The following SYNPR variants were observed in gnomAD, a reference collection of about 807,000 sequenced individuals.
The protein encoded by SYNPR is synaptoporin.
SYNPR carries 23 observed loss-of-function variants against 32.9 expected under a neutral mutation model. The observed-to-expected ratio is 0.70, with a 90% CI of 0.50 to 0.99. SYNPR has a LOEUF of 0.99. SYNPR is among the 50% of genes least tolerant of loss of function. SYNPR has a pLI of 0.00. For synonymous variants in SYNPR, 146 were observed against 135.9 expected (o/e 1.07, Z -0.52); for missense variants, 318 against 349.3 (o/e 0.91, Z 0.71).
chr3:63,250,305 C>T (rs2086321479), intron 1 of SYNPR, among the ~76,000 whole-genome samples: 1 of 151,872 alleles, frequency 6.6e-6, no homozygotes, highest in Admixed American at 6.6e-5. Flanking sequence ...ACAATTATTA[C>T]ATGTCAACTA....
intron 4 of SYNPR, among the ~76,000 whole-genome samples, chr3:63,603,916 G>T (rs186325696): frequency 1.0e-3 from 159 of 152,186 alleles, no homozygotes; most frequent in Non-Finnish European, 1.2e-4. Context: ...AAATAGTTTT[G>T]GTAGGAATGG....
intron 2 of SYNPR, chr3:63,443,374 C>A: frequency 1.3e-6 from 2 of 1,566,986 alleles, no homozygotes; most frequent in Non-Finnish European, 8.7e-7. Flanking sequence ...GACAGAGAAG[C>A]TTTATTTTTA....
At chr3:63,443,513 T>C (rs1330792381) in intron 2 of SYNPR, 2 of 1,589,002 alleles carry the variant, frequency 1.3e-6, no homozygotes, top group South Asian at 1.1e-5. Flanking sequence ...TGTGGGGATA[T>C]GTGTGTGCAT....
rs189110394 is a variant in SYNPR at position 63,257,123 on chromosome 3, G to A, written n.154+4537G>A. On this transcript the variant is annotated intron_variant and non_coding_transcript_variant, in intron 2 of 4. Transcript: ENST00000478456. ...TGTACCTGAAAGTGATGAGGAGAAT[G>A]GAACCAAGTTAAAACACTCTGCAGG... 8.5e-5 allele frequency among the ~76,000 whole-genome samples: 13 copies of A among 152,282 alleles called. No individual in the cohort carries two copies. The East Asian group carries it at 2.5e-3, about 29-fold the overall frequency.
At chr3:63,312,540 C>T (rs986768292) in intron 2 of SYNPR, among the ~76,000 whole-genome samples, 1 of 151,996 alleles carries the variant, frequency 6.6e-6, no homozygotes, top group African/African-American at 2.4e-5. Flanking sequence ...CACTCATTTT[C>T]TACTTTCAGA....
At position 63,377,620 on chromosome 3, in the gene SYNPR, C is replaced by T. The variant is rs558770016; in HGVS notation, c.84+98878C>T. ...AGGATGGAACAATCCAAGTGAGATA[C>T]ATCTTAGTTTTTTTTTAAACCCTGC... On this transcript the variant is annotated intron_variant, in intron 2 of 5. Coordinates refer to ENST00000478300, the MANE Select transcript of SYNPR (RefSeq NM_001130003.2). Among the ~76,000 whole-genome samples, 3 of 145,626 alleles carry T rather than the reference C, an allele frequency of 2.1e-5. No homozygotes were observed. The East Asian group carries it at 5.9e-4, about 28-fold the overall frequency.
At chr3:63,407,935 T>G (rs6776301) in intron 2 of SYNPR, among the ~76,000 whole-genome samples, 2,767 of 152,020 alleles carry the variant, frequency 0.018, 87 homozygotes, top group African/African-American at 0.062. Context: ...GTGTTGGGGC[T>G]TGGCAAAGAT....
chr3:63,374,807 G>A (rs2107058758), intron 2 of SYNPR, among the ~76,000 whole-genome samples: 1 of 152,236 alleles, frequency 6.6e-6, no homozygotes, highest in East Asian at 1.9e-4. Flanking sequence ...TATTAGTATA[G>A]CCAGTTTTCC....
At chr3:63,388,231 G>A (rs774108109) in intron 2 of SYNPR, among the ~76,000 whole-genome samples, 2 of 152,058 alleles carry the variant, frequency 1.3e-5, no homozygotes, top group South Asian at 2.1e-4. Flanking sequence ...TTCCCAGCAA[G>A]CAGTGTGACC....
chr3:63,560,520 T>A lies in SYNPR; in HGVS notation c.408+3779T>A, dbSNP rs570845251. Among the ~76,000 whole-genome samples, 15 of 152,336 alleles carry A rather than the reference T, an allele frequency of 9.8e-5. 1 individual carries two copies. The South Asian group carries it at 3.1e-3, about 32-fold the overall frequency. On this transcript the variant is annotated intron_variant, in intron 4 of 5. Coordinates refer to ENST00000478300, the MANE Select transcript of SYNPR (RefSeq NM_001130003.2). ...CAAGTGTTCACAATAATTTTGCTTGTTTAAAACCCATCCTCTTTATTCACA... is the reference window on the plus strand; with the variant it reads ...CAAGTGTTCACAATAATTTTGCTTGATTAAAACCCATCCTCTTTATTCACA...
At chr3:63,205,652 A>G in the SYNPR span, among the ~76,000 whole-genome samples, 16 of 152,342 alleles carry the variant, frequency 1.1e-4, no homozygotes, top group Non-Finnish European at 2.2e-4. Flanking sequence ...TTCCCTTGAC[A>G]GGCACTTGGA....
chr3:63,270,629 G>T (rs2086526505), intron 3 of SYNPR, among the ~76,000 whole-genome samples: 2 of 152,040 alleles, frequency 1.3e-5, no homozygotes, highest in Non-Finnish European at 2.9e-5. Flanking sequence ...GAGAAATATT[G>T]ACTTCATACT....
At chr3:63,477,696 G>C (rs1330968233) in intron 2 of SYNPR, among the ~76,000 whole-genome samples, 1 of 152,066 alleles carries the variant, frequency 6.6e-6, no homozygotes, top group Non-Finnish European at 1.5e-5. Flanking sequence ...TCTATTTCTG[G>C]GCACGAGCAA....
chr3:63,257,587 A>G (rs2086396011), intron 2 of SYNPR, among the ~76,000 whole-genome samples: 1 of 152,192 alleles, frequency 6.6e-6, no homozygotes, highest in Admixed American at 6.5e-5. Flanking sequence ...ATGGAAAGGA[A>G]CAACCAGTAA....
intron 2 of SYNPR, among the ~76,000 whole-genome samples, chr3:63,306,868 T>G (rs1461650374): frequency 1.3e-5 from 2 of 151,820 alleles, no homozygotes; most frequent in Admixed American, 1.3e-4. Flanking sequence ...GGGCTTTGCC[T>G]TTTTTTTCAA....
intron 2 of SYNPR, among the ~76,000 whole-genome samples, chr3:63,259,939 G>C (rs899016729): frequency 2.6e-5 from 4 of 151,686 alleles, no homozygotes; most frequent in African/African-American, 7.3e-5. Context: ...AACAGACAGA[G>C]AGCCAAATCA....
At chr3:63,476,129 G>GGAAA (rs1700900080) in intron 2 of SYNPR, among the ~76,000 whole-genome samples, 1 of 37,030 alleles carries the variant, frequency 2.7e-5, no homozygotes, top group African/African-American at 1.8e-4. Flanking sequence ...AAGGAAGGAA[G>GGAAA]GAAGGAAGGA....
At chr3:63,444,286 C>G (rs1700234087) in intron 2 of SYNPR, 2 of 152,262 alleles carry the variant, frequency 1.3e-5, no homozygotes, top group South Asian at 4.2e-4. Context: ...TAGCTGCGTT[C>G]TTTTTGTTCG....
At chr3:63,508,362 G>A (rs1701629795) in intron 3 of SYNPR, among the ~76,000 whole-genome samples, 1 of 152,108 alleles carries the variant, frequency 6.6e-6, no homozygotes, top group Admixed American at 6.6e-5. Context: ...ATAAACAGTG[G>A]CTATAGTAAA....
Sources: gnomAD v4.1 joint callset for allele counts (sites outside exome capture counted in the v4.1 genomes callset) on GRCh38, gnomAD v4.1.1 for gene constraint, MANE v1.5 for transcripts, NCBI Gene and HGNC (gene_info 2026-07-23, HGNC 2026-07-21) for gene names.